The following KRT75 variants were observed in gnomAD, a reference collection of about 807,000 sequenced individuals.
The protein encoded by KRT75 is keratin 75.
Under a neutral mutation model 48.8 loss-of-function variants are expected in KRT75, and 35 were observed. That is an observed-to-expected ratio of 0.72 (90% confidence interval 0.55 to 0.95). The LOEUF (loss-of-function observed/expected upper bound fraction) is 0.95. Among genes scored for constraint, KRT75 ranks in the 40% least tolerant of loss-of-function variants. KRT75 has a pLI of 0.00. For missense variants in KRT75, 776 were observed against 709.9 expected, an observed-to-expected ratio of 1.09 and a Z score of -1.06; for synonymous variants, 301 against 282.3, an observed-to-expected ratio of 1.07 and a Z score of -0.66.
At position 52,434,357 on chromosome 12, in the gene KRT75, G is replaced by T; in HGVS notation, c.-53C>A. 1 of 1,540,700 alleles carries T rather than the reference G, an allele frequency of 6.5e-7. No homozygotes were observed. The highest frequency in any genetic ancestry group is 8.7e-7 in the Non-Finnish European group (1 of 1,152,974). ...CACCTGAGGTGGGCTGGTACAGGCA[G>T]TGGAGAAGACAGGTGGCTGGAGAGC... On this transcript the variant is annotated 5_prime_UTR_variant, in exon 1 of 9. It adds an upstream start codon to the 5' untranslated region. Coordinates refer to ENST00000252245, the MANE Select transcript of KRT75 (RefSeq NM_004693.3).
At chr12:52,431,920 G>T in intron 3 of KRT75, 86 bp downstream of exon 3, 1 of 1,270,156 alleles carries the variant, frequency 7.9e-7, no homozygotes, top group Non-Finnish European at 1.2e-6. Context: ...ACATTTCTTG[G>T]GTGGCCCAAG....
chr12:52,428,813 C>A (rs1940108133), intron 5 of KRT75, 70 bp from the exon 6 acceptor site: 2 of 1,599,346 alleles, frequency 1.3e-6, no homozygotes, highest in East Asian at 4.5e-5. Context: ...TGCACACAGA[C>A]CCACCCTGGG....
rs142963541 is a variant in KRT75 at position 52,432,062 on chromosome 12, C to T, written c.718G>A (p.Glu240Lys). The change falls in exon 3 of 9, where the codon GAA becomes AAA. Residue 240 changes from glutamate (E) to lysine (K), a missense_variant. Transcript: ENST00000252245. ...DVVEDFKVRY[E>K]DEINKRTAAE... ...GCTGTGCGCTTGTTAATTTCATCTTCGTACCTATAAGGACAGAGCGGGGGG... is the reference window on the plus strand; with the variant it reads ...GCTGTGCGCTTGTTAATTTCATCTTTGTACCTATAAGGACAGAGCGGGGGG... 8.6e-4 allele frequency: 1,391 copies of T among 1,614,172 alleles called. 2 individuals carry two copies. Among genetic ancestry groups the T allele is most frequent in the Non-Finnish European group, 6.4e-4 (760 of 1,180,020 alleles).
chr12:52,424,773 G>A lies in KRT75; in HGVS notation c.1418-18C>T. On this transcript the variant is annotated intron_variant, in intron 8 of 8. Transcript: ENST00000252245. ...GACCACAGCTGCCGGGAAGAGAGGA[G>A]GTGTGGTCAGATCAAGTGCAAGCGA... The A allele has an allele frequency of 6.3e-7, 1 of 1,583,860 alleles. No homozygotes were observed. The highest frequency in any genetic ancestry group is 8.7e-7 in the Non-Finnish European group (1 of 1,153,248).
At position 52,430,613 on chromosome 12, in the gene KRT75, G is replaced by C; in HGVS notation, c.963C>G (p.Ala321=). Residue 321 remains alanine, a synonymous_variant, in exon 5 of 9, where the codon GCC becomes GCG. Coordinates refer to ENST00000252245, the MANE Select transcript of KRT75 (RefSeq NM_004693.3). ...NRNLDLDSII[A]EVKAQYEDIA... is the part of the protein sequence containing the mutation. Reference sequence around the variant, plus strand: ...TGTCCTCGTATTGTGCTTTGACCTCGGCGATGATACTATCCAGGTCCAGGT... The same window carrying C: ...TGTCCTCGTATTGTGCTTTGACCTCCGCGATGATACTATCCAGGTCCAGGT... The C allele has an allele frequency of 6.2e-7, 1 of 1,614,142 alleles. No individual in the cohort carries two copies. The highest frequency in any genetic ancestry group is 8.5e-7 in the Non-Finnish European group (1 of 1,180,038).
At chr12:52,431,679 C>T (rs765262918) in intron 3 of KRT75, 41 bp from the exon 4 acceptor site, 3 of 1,385,712 alleles carry the variant, frequency 2.2e-6, no homozygotes, top group Non-Finnish European at 2.1e-6. Flanking sequence ...GTCTGCAGCC[C>T]CAAGTATCTA....
Position 52,434,278 on chromosome 12 carries a change from GA to G in KRT75, c.26del (p.Phe9SerfsTer123). The G allele has an allele frequency of 6.3e-7, 1 of 1,587,374 alleles. No homozygotes were observed. Among genetic ancestry groups the G allele is most frequent in the East Asian group, 2.2e-5 (1 of 44,768 alleles). The part of the protein sequence containing the change: MSRQSSIT[F>X]QSGSRRGFST... ...TGAAGCCCCTGCGGCTGCCAGACTGGAAGGTGATGGAGGACTGCCGAGACAT... is the reference window on the plus strand; with the variant it reads ...TGAAGCCCCTGCGGCTGCCAGACTGGAGGTGATGGAGGACTGCCGAGACAT... On this transcript the variant is annotated frameshift_variant, in exon 1 of 9. Coordinates refer to ENST00000252245, the MANE Select transcript of KRT75 (RefSeq NM_004693.3). LOFTEE classifies it high-confidence loss of function.
Position 52,428,725 on chromosome 12 carries a change from T to C in KRT75, c.1054A>G (p.Thr352Ala), listed in dbSNP as rs756700654. 1.2e-6 allele frequency: 2 copies of C among 1,614,166 alleles called. No homozygotes were observed. Among genetic ancestry groups the C allele is most frequent in the Non-Finnish European group, 8.5e-7 (1 of 1,180,036 alleles). ...YQTKYEELQV[T>A]AGRHGDDLRN... ...AGGTCATCCCCATGTCTGCCTGCGG[T>C]GACCTGCAGCTCCTCGTACTGAGAG... The change falls in exon 6 of 9, where the codon ACC (threonine) becomes GCC (alanine). Residue 352 changes from threonine to alanine, a missense_variant. Physicochemically the swap from Thr to Ala is moderately conservative, Grantham distance 58. Transcript: ENST00000252245.
chr12:52,428,355 G>C lies in KRT75; in HGVS notation c.1283C>G (p.Ala428Gly), dbSNP rs373116171. The change falls in exon 7 of 9, where the codon GCT (alanine) becomes GGT (glycine). Residue 428 changes from alanine (A) to glycine (G), a missense_variant. By Grantham distance (60) the Ala-to-Gly change is moderately conservative. Transcript: ENST00000252245. ...EALQKAKQDM[A>G]RLLREYQELM... Reference sequence around the variant, plus strand: ...CTCCTGGTACTCACGCAGGAGCCGAGCCATGTCCTGCTTGGCCTTCTGCAG... The same window carrying C: ...CTCCTGGTACTCACGCAGGAGCCGACCCATGTCCTGCTTGGCCTTCTGCAG... 3.7e-6 allele frequency: 6 copies of C among 1,614,180 alleles called. No homozygotes were observed. In the South Asian group the frequency reaches 6.6e-5, roughly 18 times the overall value.
At chr12:52,428,840 A>C in intron 5 of KRT75, 97 bp from the exon 6 acceptor site, 41 of 1,472,770 alleles carry the variant, frequency 2.8e-5, no homozygotes, top group Non-Finnish European at 3.7e-5. Flanking sequence ...AAGCAGGCTC[A>C]TTCATTCCTG....
intron 2 of KRT75, among the ~76,000 whole-genome samples, chr12:52,432,576 C>T (rs547702504): frequency 1.3e-5 from 2 of 152,280 alleles, no homozygotes; most frequent in African/African-American, 2.4e-5. Flanking sequence ...GATACCTCAC[C>T]TACTGCAGCC....
chr12:52,428,869 CT>C, intron 5 of KRT75, 126 bp from the exon 6 acceptor site: 3 of 1,138,340 alleles, frequency 2.6e-6, no homozygotes, highest in East Asian at 2.4e-5. Flanking sequence ...CTCATTCCCC[CT>C]GAAGCTTACA....
chr12:52,428,692 T>C lies in KRT75; in HGVS notation c.1087A>G (p.Thr363Ala). The C allele has an allele frequency of 1.2e-6, 2 of 1,614,194 alleles. No homozygotes were observed. Among genetic ancestry groups the C allele is most frequent in the Non-Finnish European group, 1.7e-6 (2 of 1,180,034 alleles). The change falls in exon 6 of 9, where the codon ACC (threonine) becomes GCC (alanine). Residue 363 changes from threonine (T) to alanine (A), a missense_variant. Transcript: ENST00000252245. The part of the protein sequence containing the change: ...AGRHGDDLRN[T>A]KQEISEMNRM... ...TTCATTTCAGAGATCTCTTGTTTGG[T>C]GTTTCGAAGGTCATCCCCATGTCTG...
At chr12:52,433,008 T>C (rs1403068728) in intron 2 of KRT75, 30 bp downstream of exon 2, 4 of 1,607,178 alleles carry the variant, frequency 2.5e-6, no homozygotes, top group Middle Eastern at 1.6e-4. Context: ...CAGATGGCTG[T>C]GTGTGGCCAG....
rs1429510591 is a variant in KRT75, at chr12:52,433,150, C to T, written c.601G>A (p.Asp201Asn). 2 of 1,613,874 alleles carry T rather than the reference C, an allele frequency of 1.2e-6. No individual in the cohort carries two copies. The highest frequency in any genetic ancestry group is 1.7e-5 in the Admixed American group (1 of 59,986). The change falls in exon 2 of 9, where the codon GAT (aspartate) becomes AAT (asparagine). Residue 201 changes from aspartate (D) to asparagine (N), a missense_variant. Asp to Asn is a conservative substitution (Grantham distance 23, BLOSUM62 1). Coordinates refer to ENST00000252245, the MANE Select transcript of KRT75 (RefSeq NM_004693.3). The stretch of plus-strand genomic sequence containing the variant: ...CGTCGGAGCTCACTGGTATAGGAAT[C>T]AAAGAGGGGCTCTAGGTTCTGCCTC... ...TVRQNLEPLF[D>N]SYTSELRRQL... is the part of the protein sequence containing the mutation.
rs369970744 is a variant in KRT75 at position 52,433,890 on chromosome 12, C to G, written c.415G>C (p.Asp139His). 6 of 1,614,082 alleles carry G rather than the reference C, an allele frequency of 3.7e-6. No individual in the cohort carries two copies. The highest frequency in any genetic ancestry group is 4.2e-6 in the Non-Finnish European group (5 of 1,180,018). ...GCCCGCACCCGCTGGATGGTGGGGT[C>G]GATTTGCAGGTGAAGAGGAGTCAGG... ...SLLTPLHLQI[D>H]PTIQRVRAEE... The change falls in exon 1 of 9, where the codon GAC (aspartate) becomes CAC (histidine). Residue 139 changes from aspartate (D) to histidine (H), a missense_variant. By Grantham distance (81) the Asp-to-His change is moderately conservative. Coordinates refer to ENST00000252245, the MANE Select transcript of KRT75 (RefSeq NM_004693.3).
At position 52,433,050 on chromosome 12, in the gene KRT75, T is replaced by C; in HGVS notation, c.701A>G (p.Asp234Gly). The C allele has an allele frequency of 6.2e-7, 1 of 1,613,800 alleles. No individual in the cohort carries two copies. Among genetic ancestry groups the C allele is most frequent in the Middle Eastern group, 1.6e-4 (1 of 6,062 alleles). Residue 234 changes from aspartate (D) to glycine (G), a missense_variant, in exon 2 of 9, where the codon GAT becomes GGT. Asp to Gly is a moderately conservative substitution (Grantham distance 94). Transcript: ENST00000252245. The stretch of plus-strand genomic sequence containing the variant: ...GTCTCCCACTTACCTGACTTTGAAA[T>C]CTTCCACAACATCCTGCATGTTCCT... ...ELRNMQDVVEDFKVRYEDEIN... is the reference protein window; with the variant it reads ...ELRNMQDVVEGFKVRYEDEIN...
rs767804621 is a variant in KRT75, at chr12:52,432,035, C to T, written c.745G>A (p.Ala249Thr). 3.1e-6 allele frequency: 5 copies of T among 1,614,086 alleles called. No homozygotes were observed. Among genetic ancestry groups the T allele is most frequent in the Non-Finnish European group, 4.2e-6 (5 of 1,180,048 alleles). ...TTCAGGGCTACAAATTCATTCTCAG[C>T]AGCTGTGCGCTTGTTAATTTCATCT... ...YEDEINKRTA[A>T]ENEFVALKKD... Residue 249 changes from alanine (A) to threonine (T), a missense_variant, in exon 3 of 9, where the codon GCT becomes ACT. Transcript: ENST00000252245.
rs751537697 is a variant in KRT75 at position 52,433,091 on chromosome 12, C to A, written c.660G>T (p.Arg220Ser). The A allele has an allele frequency of 1.9e-6, 3 of 1,614,064 alleles. No homozygotes were observed. The highest frequency in any genetic ancestry group is 2.5e-6 in the Non-Finnish European group (3 of 1,180,022). ...GCATGTTCCTCAGTTCAGCTTCAAGCCTGCCCCTCTCGGTGGTGATGCTTT... is the reference window on the plus strand; with the variant it reads ...GCATGTTCCTCAGTTCAGCTTCAAGACTGCCCCTCTCGGTGGTGATGCTTT... ...QLESITTERGRLEAELRNMQD... is the reference protein window; with the variant it reads ...QLESITTERGSLEAELRNMQD... The change falls in exon 2 of 9, where the codon AGG becomes AGT. Residue 220 changes from arginine to serine, a missense_variant. Physicochemically the swap from Arg to Ser is moderately radical, Grantham distance 110. Transcript: ENST00000252245.
Sources: gnomAD v4.1 joint callset for allele counts (sites outside exome capture counted in the v4.1 genomes callset) on GRCh38, gnomAD v4.1.1 for gene constraint, MANE v1.5 for transcripts, NCBI Gene and HGNC (gene_info 2026-07-23, HGNC 2026-07-21) for gene names.